The following CDK5RAP2 variants were observed in gnomAD, a reference collection of about 807,000 sequenced individuals.
CDK5RAP2 encodes the protein CDK5 regulatory subunit associated protein 2.
Under a neutral mutation model 232.9 loss-of-function variants are expected in CDK5RAP2, and 147 were observed. The observed-to-expected ratio is 0.63, with a 90% confidence interval of 0.55 to 0.72. The LOEUF is 0.72. CDK5RAP2 is among the 30% of genes least tolerant of loss of function. The pLI, the probability that CDK5RAP2 is intolerant of heterozygous loss-of-function variation, is 0.00. For synonymous variants in CDK5RAP2, 833 were observed against 833.7 expected (o/e 1.00, Z 0.01); for missense variants, 2,195 against 2,231.5 (o/e 0.98, Z 0.33).
rs2033197367 is a variant in CDK5RAP2, at chr9:120,403,304, T to C, written c.5042-233A>G. On this transcript the variant is annotated intron_variant, in intron 33 of 37. Transcript: ENST00000349780. The surrounding 1 kb of genome is among the most constrained non-coding windows in gnomAD (Gnocchi z 4.2). Reference sequence around the variant, plus strand: ...CTCAAGTCAACTCAACCAACACTTATCAACCACCCACTCGGCAGAAGACCC... The same window carrying C: ...CTCAAGTCAACTCAACCAACACTTACCAACCACCCACTCGGCAGAAGACCC... The C allele has an allele frequency of 3.7e-6, 2 of 543,540 alleles. No homozygotes were observed. Among genetic ancestry groups the C allele is most frequent in the East Asian group, 3.2e-5 (1 of 31,050 alleles). 33.7% of individuals were successfully genotyped at this position (543,540 alleles called of 1,614,324 possible).
Position 120,555,282 on chromosome 9 carries a change from C to A in CDK5RAP2, c.196-4380G>T, listed in dbSNP as rs1188443639. 4.6e-5 allele frequency among the ~76,000 whole-genome samples: 7 copies of A among 152,140 alleles called. No individual in the cohort carries two copies. In the South Asian group the frequency reaches 1.0e-3, roughly 23 times the overall value. On this transcript the variant is annotated intron_variant, in intron 3 of 37. Transcript: ENST00000349780. ...GAGCAGCTGGGATTACAGGCACGCA[C>A]TACCACGCTCGGCTAAGTTTTTGTA... is the stretch of plus-strand genomic sequence containing the variant.
intron 15 of CDK5RAP2, among the ~76,000 whole-genome samples, chr9:120,475,564 C>T (rs2037960349): frequency 6.6e-6 from 1 of 152,062 alleles, no homozygotes; most frequent in Admixed American, 6.5e-5. Context: ...CACGACTCAA[C>T]CCCCAGTGCC....
chr9:120,546,018 T>C (rs1234729942), intron 4 of CDK5RAP2, among the ~76,000 whole-genome samples: 2 of 152,214 alleles, frequency 1.3e-5, no homozygotes, highest in Non-Finnish European at 2.9e-5. Flanking sequence ...GGAACAATTA[T>C]GTAAATGCTC....
chr9:120,509,129 C>T (rs546072986), intron 12 of CDK5RAP2, among the ~76,000 whole-genome samples: 53 of 152,136 alleles, frequency 3.5e-4, no homozygotes, highest in Non-Finnish European at 6.9e-4. Context: ...CAGAGCGCTC[C>T]GACTCCCTTC....
intron 20 of CDK5RAP2, among the ~76,000 whole-genome samples, chr9:120,457,451 A>G (rs1034347197): frequency 4.6e-5 from 7 of 152,212 alleles, no homozygotes; most frequent in East Asian, 3.8e-4. Context: ...AGCACCAACT[A>G]CTACGGTCAC....
At chr9:120,478,178 ACAATTACCACTGCCTTATG>A in intron 14 of CDK5RAP2, among the ~76,000 whole-genome samples, 1 of 152,242 alleles carries the variant, frequency 6.6e-6, no homozygotes, top group African/African-American at 2.4e-5. Flanking sequence ...AAACTGGTGG[ACAATTACCACTGCCTTATG>A]GAGTTACAGA....
intron 2 of CDK5RAP2, among the ~76,000 whole-genome samples, chr9:120,569,063 G>A (rs74402266): frequency 1.7e-4 from 26 of 152,336 alleles, no homozygotes; most frequent in African/African-American, 5.5e-4. Context: ...CCTGCATGCT[G>A]AGGAAACAAT....
chr9:120,441,852 C>CATG (rs2035917336), intron 23 of CDK5RAP2, among the ~76,000 whole-genome samples: 1 of 152,124 alleles, frequency 6.6e-6, no homozygotes, highest in Non-Finnish European at 1.5e-5. Flanking sequence ...GGGTGCAGAC[C>CATG]GTGTCATCCA....
Position 120,403,603 on chromosome 9 carries a change from G to T in CDK5RAP2, c.5041+433C>A, listed in dbSNP as rs2033221657. ...ATGTCACAGAGAAATGTGTATTCAT[G>T]ATGAGTCTTGAGGAAACGGGACTTC... is the stretch of plus-strand genomic sequence containing the variant. On this transcript the variant is annotated intron_variant, in intron 33 of 37. Coordinates refer to ENST00000349780, the MANE Select transcript of CDK5RAP2 (RefSeq NM_018249.6). The surrounding 1 kb of genome is among the most constrained non-coding windows in gnomAD (Gnocchi z 4.2). 1 of 296,174 alleles carries T rather than the reference G, an allele frequency of 3.4e-6. No homozygotes were observed. Among genetic ancestry groups the T allele is most frequent in the Non-Finnish European group, 6.5e-6 (1 of 153,190 alleles). The allele number at this position is 296,174 out of a possible 1,614,324, so 18.3% of individuals were successfully genotyped here. A position where few individuals can be genotyped will look rare whatever the true frequency, so the allele number is the denominator to read the frequency against.
At chr9:120,465,733 A>G (rs924524864) in intron 18 of CDK5RAP2, among the ~76,000 whole-genome samples, 1 of 152,186 alleles carries the variant, frequency 6.6e-6, no homozygotes, top group Non-Finnish European at 1.5e-5. Context: ...CTAAACACAG[A>G]AAAAGATTTG....
At chr9:120,447,823 G>A in intron 22 of CDK5RAP2, 72 bp downstream of exon 22, 3 of 1,080,968 alleles carry the variant, frequency 2.8e-6, no homozygotes, top group South Asian at 2.5e-5. Flanking sequence ...TAAACAACAA[G>A]GTTGACATTT....
chr9:120,449,303 C>T (rs2036363964), intron 21 of CDK5RAP2, among the ~76,000 whole-genome samples: 1 of 152,232 alleles, frequency 6.6e-6, no homozygotes, highest in African/African-American at 2.4e-5. Context: ...GAAAATGGGA[C>T]TTGATTTCCA....
At position 120,545,729 on chromosome 9, in the gene CDK5RAP2, A is replaced by C; in HGVS notation, c.368T>G (p.Leu123Arg). ...TGGTACTCACGAGGCTTTGATGAGC[A>C]GCTGCTCTCTCTCCTGGAGTTCCCG... ...LKRELQEREQ[L>R]LIKASKAVES... The change falls in exon 5 of 38, where the codon CTG becomes CGG. Residue 123 changes from leucine to arginine, a missense_variant. Physicochemically the swap from Leu to Arg is moderately radical, Grantham distance 102 (BLOSUM62 -2). Coordinates refer to ENST00000349780, the MANE Select transcript of CDK5RAP2 (RefSeq NM_018249.6). 1 of 1,613,772 alleles carries C rather than the reference A, an allele frequency of 6.2e-7. No homozygotes were observed. Among genetic ancestry groups the C allele is most frequent in the Non-Finnish European group, 8.5e-7 (1 of 1,179,670 alleles).
At chr9:120,397,158 C>T (rs936261905) in intron 35 of CDK5RAP2, among the ~76,000 whole-genome samples, 6 of 152,116 alleles carry the variant, frequency 3.9e-5, no homozygotes, top group African/African-American at 7.2e-5. Flanking sequence ...TGCCTGACTT[C>T]GGGGACAGGA....
In CDK5RAP2 at chr9:120,491,449, C is replaced by T. The variant is rs777203757; in HGVS notation, c.1340G>A (p.Arg447His). 23 of 1,611,100 alleles carry T rather than the reference C, an allele frequency of 1.4e-5. No homozygotes were observed. The highest frequency in any genetic ancestry group is 2.2e-5 in the East Asian group (1 of 44,774). The change falls in exon 13 of 38, where the codon CGC (arginine) becomes CAC (histidine). Residue 447 changes from arginine (R) to histidine (H), a missense_variant. By Grantham distance (29) the Arg-to-His change is conservative. Transcript: ENST00000349780. The stretch of plus-strand genomic sequence containing the variant: ...TTTCTCTCTTTCATTCACTTCATTG[C>T]GTAATTTTTCAACTTCATTTCTAAG... Reference protein sequence around the residue: ...RDLRNEVEKLRNEVNEREKAM... With the variant: ...RDLRNEVEKLHNEVNEREKAM...
intron 7 of CDK5RAP2, among the ~76,000 whole-genome samples, chr9:120,534,546 T>G (rs1262517088): frequency 6.6e-6 from 1 of 152,188 alleles, no homozygotes; most frequent in Non-Finnish European, 1.5e-5. Context: ...CCTTCTTACA[T>G]TCTCATCACC....
intron 12 of CDK5RAP2, among the ~76,000 whole-genome samples, chr9:120,492,779 T>C (rs1415556977): frequency 6.6e-6 from 1 of 152,196 alleles, no homozygotes; most frequent in Non-Finnish European, 1.5e-5. Context: ...TGTGTGAGTA[T>C]ATATAACATA....
chr9:120,564,497 T>TAAAA (rs1190341085), intron 3 of CDK5RAP2, among the ~76,000 whole-genome samples: 1 of 140,828 alleles, frequency 7.1e-6, no homozygotes, highest in African/African-American at 2.7e-5. Context: ...CTCAAAAAAA[T>TAAAA]AAAAAAATAA....
At chr9:120,440,397 CTG>C (rs1466576583) in intron 23 of CDK5RAP2, 1 of 248,088 alleles carries the variant, frequency 4.0e-6, no homozygotes, top group African/African-American at 2.2e-5. Context: ...ACATTGCGTG[CTG>C]TGTCATGCCT....
Sources: gnomAD v4.1 joint callset for allele counts (sites outside exome capture counted in the v4.1 genomes callset) on GRCh38, gnomAD v4.1.1 for gene constraint, Gnocchi (gnomAD v3.1) non-coding constraint, MANE v1.5 for transcripts, NCBI Gene and HGNC (gene_info 2026-07-23, HGNC 2026-07-21) for gene names.